OLFM3: variants seen among roughly 807,000 people sequenced by gnomAD.
OLFM3 encodes the protein olfactomedin 3, also known as noelin-3.
Under a neutral mutation model 48.6 loss-of-function variants are expected in OLFM3, and 20 were observed. That is an observed-to-expected ratio of 0.41 (90% CI 0.29 to 0.60). The LOEUF is 0.60. Among genes scored for constraint, OLFM3 ranks in the 20% least tolerant of loss-of-function variants. OLFM3 has a pLI of 0.28. For missense variants in OLFM3, 437 were observed against 544.3 expected (o/e 0.80, Z 1.96); for synonymous variants, 222 against 198.1 (o/e 1.12, Z -1.01).
At chr1:101,959,640 A>C (rs1028488597) in intron 1 of OLFM3, among the ~76,000 whole-genome samples, 4 of 152,200 alleles carry the variant, frequency 2.6e-5, no homozygotes, top group African/African-American at 9.6e-5. Context: ...CAATACTGAA[A>C]TTAGACTTTT....
chr1:101,881,510 AT>A (rs1156257905), intron 1 of OLFM3, among the ~76,000 whole-genome samples: 1 of 151,948 alleles, frequency 6.6e-6, no homozygotes, highest in Non-Finnish European at 1.5e-5. Context: ...TGCCTGCCGT[AT>A]AATAATAAGA....
intron 1 of OLFM3, among the ~76,000 whole-genome samples, chr1:101,868,675 A>T (rs1656951406): frequency 6.6e-6 from 1 of 152,214 alleles, no homozygotes; most frequent in African/African-American, 2.4e-5. Context: ...CACCAAGACA[A>T]TGGGGAAAAT....
At chr1:101,817,595 C>T (rs572243292) in intron 4 of OLFM3, among the ~76,000 whole-genome samples, 2 of 152,082 alleles carry the variant, frequency 1.3e-5, no homozygotes, top group South Asian at 2.1e-4. Flanking sequence ...ACCATCTGTC[C>T]TCTCTTTTAT....
At chr1:101,883,842 G>T (rs1657633040) in intron 1 of OLFM3, among the ~76,000 whole-genome samples, 2 of 151,782 alleles carry the variant, frequency 1.3e-5, no homozygotes, top group African/African-American at 4.8e-5. Context: ...ATACATCCAT[G>T]ACATTCATAA....
intron 3 of OLFM3, among the ~76,000 whole-genome samples, chr1:101,830,430 T>A (rs1655090234): frequency 6.6e-6 from 1 of 152,182 alleles, no homozygotes; most frequent in African/African-American, 2.4e-5. Context: ...CTTGGGGAAA[T>A]TTCCCTTGTT....
At chr1:101,890,252 A>G (rs2101003766) in intron 1 of OLFM3, among the ~76,000 whole-genome samples, 1 of 152,168 alleles carries the variant, frequency 6.6e-6, no homozygotes. Context: ...AATAGCTACT[A>G]ATCTTGGAAA....
At chr1:101,819,659 G>A (rs984207306) in intron 4 of OLFM3, among the ~76,000 whole-genome samples, 1 of 151,884 alleles carries the variant, frequency 6.6e-6, no homozygotes, top group Non-Finnish European at 1.5e-5. Context: ...ACAACAATTG[G>A]GTGGATGGTG....
chr1:101,873,068 T>C (rs561050358), intron 1 of OLFM3, among the ~76,000 whole-genome samples: 8 of 152,060 alleles, frequency 5.3e-5, no homozygotes, highest in Non-Finnish European at 7.4e-5. Context: ...AGTGAATTGC[T>C]AAAATAAGAT....
chr1:101,838,623 TA>T (rs1467884252), intron 1 of OLFM3, among the ~76,000 whole-genome samples: 10 of 152,270 alleles, frequency 6.6e-5, no homozygotes, highest in Non-Finnish European at 1.3e-4. Context: ...GATATTCCAT[TA>T]AAAAGTTCTT....
At chr1:101,974,306 G>T (rs1187265794) in intron 1 of OLFM3, among the ~76,000 whole-genome samples, 1 of 151,882 alleles carries the variant, frequency 6.6e-6, no homozygotes, top group Non-Finnish European at 1.5e-5. Context: ...GATTTTCTAG[G>T]GTTTTGAGTA....
At chr1:101,819,198 T>C (rs938722394) in intron 4 of OLFM3, among the ~76,000 whole-genome samples, 4 of 151,986 alleles carry the variant, frequency 2.6e-5, no homozygotes, top group African/African-American at 9.7e-5. Flanking sequence ...GCAAGTTCAA[T>C]GTCAAGAAGG....
At chr1:101,912,985 G>A (rs1358833664) in intron 1 of OLFM3, among the ~76,000 whole-genome samples, 1 of 152,070 alleles carries the variant, frequency 6.6e-6, no homozygotes, top group African/African-American at 2.4e-5. Flanking sequence ...TTTCTTTAAG[G>A]TTTGTCCTAC....
intron 1 of OLFM3, among the ~76,000 whole-genome samples, chr1:101,853,935 A>G (rs17125586): frequency 0.016 from 2,398 of 152,160 alleles, 62 homozygotes; most frequent in African/African-American, 0.053. Flanking sequence ...TCTGTCTTCT[A>G]TTGATAAGCT....
At chr1:101,845,474 T>C (rs796652410) in intron 1 of OLFM3, among the ~76,000 whole-genome samples, 3 of 152,328 alleles carry the variant, frequency 2.0e-5, no homozygotes, top group African/African-American at 7.2e-5. Flanking sequence ...ACTCATTCAT[T>C]AGTACCTCAG....
At chr1:101,835,959 TA>T (rs1487794782) in intron 2 of OLFM3, among the ~76,000 whole-genome samples, 1 of 152,202 alleles carries the variant, frequency 6.6e-6, no homozygotes, top group Non-Finnish European at 1.5e-5. Flanking sequence ...GTGTCTCTAT[TA>T]AAAAACTTGA....
chr1:101,831,567 CA>C (rs1443132179), intron 2 of OLFM3, among the ~76,000 whole-genome samples: 1 of 152,018 alleles, frequency 6.6e-6, no homozygotes, highest in Non-Finnish European at 1.5e-5. Flanking sequence ...TTTGTAGCAA[CA>C]AAAATCTGAA....
At chr1:101,813,296 G>A (rs184041096) in intron 4 of OLFM3, 173 of 231,668 alleles carry the variant, frequency 7.5e-4, no homozygotes, top group Admixed American at 6.8e-3. Context: ...ACAGCATTCC[G>A]TTAAGACAGT....
intron 1 of OLFM3, among the ~76,000 whole-genome samples, chr1:101,959,962 C>G (rs542227532): frequency 1.3e-5 from 2 of 152,122 alleles, no homozygotes; most frequent in African/African-American, 4.8e-5. Flanking sequence ...TCATATAACA[C>G]GAATAATACC....
chr1:101,837,174 T>G (rs1655464663), intron 1 of OLFM3, 149 bp from the exon 2 acceptor site: 2 of 752,826 alleles, frequency 2.7e-6, no homozygotes, highest in East Asian at 2.7e-5. Flanking sequence ...ATTAAACAAT[T>G]TATATAGGCA....
Sources: allele counts gnomAD v4.1 joint callset (sites outside exome capture counted in the v4.1 genomes callset), GRCh38; gene constraint gnomAD v4.1.1; transcripts MANE v1.5; gene names NCBI Gene and HGNC (gene_info 2026-07-23, HGNC 2026-07-21).